RPS6KC1: variants seen among roughly 807,000 people sequenced by gnomAD.
RPS6KC1 encodes the protein ribosomal protein S6 kinase C1.
Under a neutral mutation model 103.8 loss-of-function variants are expected in RPS6KC1, and 54 were observed. The ratio of observed to expected loss-of-function variants is 0.52; its 90% CI spans 0.42 to 0.65. RPS6KC1 has a LOEUF of 0.65. Ranked by LOEUF, RPS6KC1 falls within the 30% of genes least tolerant of loss-of-function variation. The pLI, the probability that RPS6KC1 is intolerant of heterozygous loss-of-function variation, is 0.00. For missense variants in RPS6KC1, 1,151 were observed against 1,253.8 expected (o/e 0.92, Z 1.24); for synonymous variants, 439 against 438.7 (o/e 1.00, Z -0.01).
chr1:213,243,137 A>G (rs1573552946), intron 12 of RPS6KC1, among the ~76,000 whole-genome samples: 1 of 152,140 alleles, frequency 6.6e-6, no homozygotes. Flanking sequence ...CTGGGACTAC[A>G]TTTGTGCACC....
intron 12 of RPS6KC1, among the ~76,000 whole-genome samples, chr1:213,251,434 C>G (rs1394199337): frequency 1.3e-5 from 2 of 152,130 alleles, no homozygotes; most frequent in African/African-American, 2.4e-5. Context: ...GTAGCACACG[C>G]CACCTGTGCC....
chr1:213,671,560 T>C, the RPS6KC1 span, among the ~76,000 whole-genome samples: 1 of 152,140 alleles, frequency 6.6e-6, no homozygotes, highest in South Asian at 2.1e-4. Flanking sequence ...GAGGCGGGCA[T>C]ATCACTTGAG....
At chr1:213,146,787 G>A (rs2087895539) in intron 6 of RPS6KC1, among the ~76,000 whole-genome samples, 1 of 151,992 alleles carries the variant, frequency 6.6e-6, no homozygotes, top group South Asian at 2.1e-4. Context: ...GTACAACATA[G>A]TGCTTGTACT....
At chr1:213,332,087 A>G in the RPS6KC1 span, among the ~76,000 whole-genome samples, 2 of 152,108 alleles carry the variant, frequency 1.3e-5, no homozygotes, top group Non-Finnish European at 2.9e-5. Flanking sequence ...ATTTCCATAC[A>G]TGTGTCCCAG....
intron 8 of RPS6KC1, among the ~76,000 whole-genome samples, chr1:213,213,477 A>G (rs2093572069): frequency 1.3e-5 from 2 of 152,186 alleles, no homozygotes; most frequent in South Asian, 4.1e-4. Context: ...GAAGCCTTGG[A>G]GTCAGGTAGT....
At chr1:213,399,265 T>C in the RPS6KC1 span, among the ~76,000 whole-genome samples, 2 of 152,254 alleles carry the variant, frequency 1.3e-5, no homozygotes, top group Non-Finnish European at 2.9e-5. Flanking sequence ...GCAATTACAA[T>C]ACGTGTAATA....
the RPS6KC1 span, among the ~76,000 whole-genome samples, chr1:213,506,946 C>T: frequency 6.6e-6 from 1 of 152,158 alleles, no homozygotes; most frequent in Non-Finnish European, 1.5e-5. Flanking sequence ...CATCCCATTC[C>T]TTTTGCTCTT....
At chr1:213,294,767 A>G in the RPS6KC1 span, among the ~76,000 whole-genome samples, 1 of 152,206 alleles carries the variant, frequency 6.6e-6, no homozygotes, top group Non-Finnish European at 1.5e-5. Context: ...TCTGATATCC[A>G]GGATAGCATA....
At chr1:213,386,844 G>A in the RPS6KC1 span, among the ~76,000 whole-genome samples, 2 of 152,204 alleles carry the variant, frequency 1.3e-5, no homozygotes, top group African/African-American at 4.8e-5. Flanking sequence ...CTTAATGACT[G>A]TGGAATTGCT....
the RPS6KC1 span, among the ~76,000 whole-genome samples, chr1:213,773,837 AT>A: frequency 6.6e-6 from 1 of 152,336 alleles, no homozygotes; most frequent in East Asian, 1.9e-4. Context: ...TCTTAACCAC[AT>A]TTTGAAAATA....
intron 14 of RPS6KC1, among the ~76,000 whole-genome samples, chr1:213,265,410 A>G (rs535908919): frequency 2.6e-5 from 4 of 152,366 alleles, no homozygotes; most frequent in Middle Eastern, 3.4e-3. Flanking sequence ...CCAGTTATTT[A>G]TAATGAAGAA....
At chr1:213,267,537 C>T (rs2094940447) in intron 14 of RPS6KC1, among the ~76,000 whole-genome samples, 1 of 151,780 alleles carries the variant, frequency 6.6e-6, no homozygotes, top group East Asian at 1.9e-4. Flanking sequence ...AAGTATGTCC[C>T]ATATTCAGAA....
chr1:213,516,654 G>A, the RPS6KC1 span, among the ~76,000 whole-genome samples: 1 of 152,284 alleles, frequency 6.6e-6, no homozygotes, highest in African/African-American at 2.4e-5. Flanking sequence ...GAGGATTTTG[G>A]CATCGATGTT....
intron 8 of RPS6KC1, among the ~76,000 whole-genome samples, chr1:213,213,855 C>A (rs77480658): frequency 1.3e-5 from 2 of 152,234 alleles, no homozygotes; most frequent in African/African-American, 4.8e-5. Flanking sequence ...GCTATTATCA[C>A]AATGACAAAC....
the RPS6KC1 span, among the ~76,000 whole-genome samples, chr1:213,365,459 G>A: frequency 6.6e-6 from 1 of 152,176 alleles, no homozygotes; most frequent in African/African-American, 2.4e-5. Context: ...GTAGTGCATT[G>A]TCTGTGCTTA....
chr1:213,513,445 T>A, the RPS6KC1 span, among the ~76,000 whole-genome samples: 1 of 124,576 alleles, frequency 8.0e-6, no homozygotes, highest in Admixed American at 8.1e-5. Context: ...GGGGACTTTG[T>A]AGTAGAACAA....
the RPS6KC1 span, among the ~76,000 whole-genome samples, chr1:213,381,726 G>A: frequency 6.6e-6 from 1 of 151,868 alleles, no homozygotes; most frequent in African/African-American, 2.4e-5. Flanking sequence ...GTTATTGCCT[G>A]GCAGCTGCAG....
At chr1:213,667,823 A>G in the RPS6KC1 span, among the ~76,000 whole-genome samples, 1 of 152,202 alleles carries the variant, frequency 6.6e-6, no homozygotes, top group Non-Finnish European at 1.5e-5. Flanking sequence ...CATCATTTTA[A>G]CAATGTTCAT....
At chr1:213,400,015 C>T in the RPS6KC1 span, among the ~76,000 whole-genome samples, 58 of 152,230 alleles carry the variant, frequency 3.8e-4, no homozygotes, top group East Asian at 3.5e-3. Context: ...GAGGGCTGGG[C>T]GCCGAATCAC....
Sources: allele counts gnomAD v4.1 joint callset (sites outside exome capture counted in the v4.1 genomes callset), GRCh38; gene constraint gnomAD v4.1.1; transcripts MANE v1.5; gene names NCBI Gene and HGNC (gene_info 2026-07-23, HGNC 2026-07-21).